The following GLI3 variants were observed in gnomAD, a reference collection of about 807,000 sequenced individuals.
GLI3 encodes the protein transcription activator GLI3.
In GLI3, 20 loss-of-function variants were observed where a neutral mutation model predicts 100.8. The observed-to-expected ratio is 0.20, with a 90% confidence interval of 0.14 to 0.29. The LOEUF is 0.29. Ranked by LOEUF, GLI3 falls within the 10% of genes least tolerant of loss-of-function variation. GLI3 has a pLI of 1.00. For synonymous variants in GLI3, 938 were observed against 860.5 expected (o/e 1.09, Z -1.58); for missense variants, 2,040 against 2,128.5 (o/e 0.96, Z 0.82).
At chr7:42,244,021 A>G (rs1358445158) in intron 1 of GLI3, among the ~76,000 whole-genome samples, 1 of 152,026 alleles carries the variant, frequency 6.6e-6, no homozygotes, top group African/African-American at 2.4e-5. Flanking sequence ...TTTAGTAGAG[A>G]CGGGGTTTTA....
chr7:42,227,622 G>A (rs546559626), intron 1 of GLI3: 5 of 152,222 alleles, frequency 3.3e-5, no homozygotes, highest in Non-Finnish European at 2.9e-5. Flanking sequence ...TACAACACAA[G>A]GCATTTAAAG....
intron 2 of GLI3, among the ~76,000 whole-genome samples, chr7:42,169,420 CAT>C (rs1349475580): frequency 1.3e-5 from 2 of 150,668 alleles, no homozygotes; most frequent in African/African-American, 4.9e-5. Context: ...AAAATTGAAA[CAT>C]GATGCTATTT....
chr7:42,201,631 G>C (rs1788041675), intron 2 of GLI3, among the ~76,000 whole-genome samples: 1 of 152,294 alleles, frequency 6.6e-6, no homozygotes, highest in East Asian at 1.9e-4. Flanking sequence ...CATGGACCCA[G>C]ATAGTAGAGC....
At chr7:42,181,625 C>A (rs9648519) in intron 2 of GLI3, among the ~76,000 whole-genome samples, 1 of 151,934 alleles carries the variant, frequency 6.6e-6, no homozygotes, top group African/African-American at 2.4e-5. Context: ...AAAAAAACAA[C>A]AAAAACAAAA....
intron 2 of GLI3, among the ~76,000 whole-genome samples, chr7:42,218,031 T>C (rs1030935400): frequency 6.6e-6 from 1 of 152,202 alleles, no homozygotes; most frequent in Non-Finnish European, 1.5e-5. Flanking sequence ...CTCACATGGC[T>C]AGTCCTTCGT....
intron 10 of GLI3, among the ~76,000 whole-genome samples, chr7:41,985,188 G>A (rs917354148): frequency 9.9e-5 from 15 of 152,128 alleles, no homozygotes; most frequent in African/African-American, 3.1e-4. Context: ...CATTTGTTGC[G>A]GTGATTATAT....
chr7:42,103,070 G>A (rs1344067093), intron 3 of GLI3, among the ~76,000 whole-genome samples: 3 of 152,124 alleles, frequency 2.0e-5, no homozygotes, highest in East Asian at 1.9e-4. Context: ...GAGTGGCTCC[G>A]GCTGAGGGTC....
intron 10 of GLI3, among the ~76,000 whole-genome samples, chr7:41,989,403 A>G (rs1787922907): frequency 6.6e-6 from 1 of 152,110 alleles, no homozygotes; most frequent in Non-Finnish European, 1.5e-5. Context: ...TTAAATCCCA[A>G]TTTCCTGTTC....
intron 3 of GLI3, among the ~76,000 whole-genome samples, chr7:42,123,839 C>T (rs1379116062): frequency 6.6e-6 from 1 of 152,216 alleles, no homozygotes; most frequent in African/African-American, 2.4e-5. Context: ...TCTCACACTT[C>T]ATTGTTTAAA....
rs567092174 is a variant in GLI3 at position 42,083,742 on chromosome 7, T to C, written c.368-6885A>G. 1.7e-3 allele frequency among the ~76,000 whole-genome samples: 265 copies of C among 152,366 alleles called. 2 individuals are homozygous for C. Among genetic ancestry groups the C allele is most frequent in the Admixed American group, 3.1e-3 (47 of 15,308 alleles). On this transcript the variant is annotated intron_variant, in intron 3 of 14. Transcript: ENST00000395925. The stretch of plus-strand genomic sequence containing the variant: ...CACTAAGTACATCAAGTATTTTCAA[T>C]GCACTTTCTTCATATGCTAACTTGT...
At position 42,048,497 on chromosome 7, in the gene GLI3, T is replaced by C. The variant is rs149561675; in HGVS notation, c.673A>G (p.Thr225Ala). 5.0e-6 allele frequency: 8 copies of C among 1,608,644 alleles called. No individual in the cohort carries two copies. The highest frequency in any genetic ancestry group is 6.0e-6 in the Non-Finnish European group (7 of 1,175,740). The change falls in exon 5 of 15, where the codon ACA becomes GCA. Residue 225 changes from threonine to alanine, a missense_variant. Coordinates refer to ENST00000395925, the MANE Select transcript of GLI3 (RefSeq NM_000168.6). ...MISATRGLSP[T>A]DAPHAGVSPA... Reference sequence around the variant, plus strand: ...GAATCCATCCTGGACTTACCATCTGTAGGGCTCAGCCCACGGGTTGCTGAG... The same window carrying C: ...GAATCCATCCTGGACTTACCATCTGCAGGGCTCAGCCCACGGGTTGCTGAG...
intron 10 of GLI3, among the ~76,000 whole-genome samples, chr7:41,985,351 T>C (rs537705849): frequency 6.6e-6 from 1 of 152,344 alleles, no homozygotes; most frequent in East Asian, 1.9e-4. Flanking sequence ...GATTCGATAA[T>C]TTGAAACTTC....
At position 41,966,344 on chromosome 7, in the gene GLI3, C is replaced by T. The variant is rs750790986; in HGVS notation, c.2729G>A (p.Ser910Asn). Residue 910 changes from serine (S) to asparagine (N), a missense_variant, in exon 15 of 15, where the codon AGC (serine) becomes AAC (asparagine). Transcript: ENST00000395925. This position sits in a 1 kb window ranked among gnomAD's most constrained non-coding sequence, Gnocchi z 5.8. ...CAGGCTGGGCAGGCCGTCGCTCTGGCTGGCTTCGCTGGAGCGGCGCGAGGC... is the reference window on the plus strand; with the variant it reads ...CAGGCTGGGCAGGCCGTCGCTCTGGTTGGCTTCGCTGGAGCGGCGCGAGGC... ...TDASRRSSEASQSDGLPSLLS... is the reference protein window; with the variant it reads ...TDASRRSSEANQSDGLPSLLS... 5.0e-6 allele frequency: 8 copies of T among 1,607,900 alleles called. No individual in the cohort carries two copies. The highest frequency in any genetic ancestry group is 6.8e-6 in the Non-Finnish European group (8 of 1,179,222).
chr7:42,008,179 A>C (rs79048167), intron 10 of GLI3, among the ~76,000 whole-genome samples: 2,138 of 152,270 alleles, frequency 0.014, 24 homozygotes, highest in Non-Finnish European at 0.021. Context: ...CAATTTAAAC[A>C]ACCTCACATT....
intron 2 of GLI3, among the ~76,000 whole-genome samples, chr7:42,159,021 T>A (rs543152663): frequency 6.6e-6 from 1 of 152,320 alleles, no homozygotes; most frequent in African/African-American, 2.4e-5. Context: ...GCAGTGTAAA[T>A]GACACCTCTC....
chr7:42,022,771 G>T (rs1439726268), intron 10 of GLI3, among the ~76,000 whole-genome samples: 1 of 152,200 alleles, frequency 6.6e-6, no homozygotes, highest in African/African-American at 2.4e-5. Flanking sequence ...AATCAGGCAT[G>T]GGGTGGGGAG....
intron 2 of GLI3, among the ~76,000 whole-genome samples, chr7:42,163,574 G>A (rs112647220): frequency 2.0e-5 from 3 of 151,886 alleles, no homozygotes; most frequent in African/African-American, 7.2e-5. Flanking sequence ...AATTACAGGC[G>A]CCCGCCAGCA....
At chr7:42,116,427 T>C (rs1583571165) in intron 3 of GLI3, among the ~76,000 whole-genome samples, 1 of 136,636 alleles carries the variant, frequency 7.3e-6, no homozygotes, top group Non-Finnish European at 1.6e-5. Flanking sequence ...ATAAACTAAA[T>C]AAACTGAAAA....
At chr7:42,199,958 A>G (rs139654893) in intron 2 of GLI3, among the ~76,000 whole-genome samples, 6,607 of 152,300 alleles carry the variant, frequency 0.043, 200 homozygotes, top group Middle Eastern at 0.075. Flanking sequence ...AGGGAGGCTG[A>G]GGCAGAAGAA....
Sources: gnomAD v4.1 joint callset for allele counts (sites outside exome capture counted in the v4.1 genomes callset) on GRCh38, gnomAD v4.1.1 for gene constraint, Gnocchi (gnomAD v3.1) non-coding constraint, MANE v1.5 for transcripts, NCBI Gene and HGNC (gene_info 2026-07-23, HGNC 2026-07-21) for gene names.